Variants in HTR4 observed in about 807,000 individuals in gnomAD.
The protein encoded by HTR4 is 5-hydroxytryptamine receptor 4.
HTR4 carries 16 observed loss-of-function variants against 36.8 expected under a neutral mutation model. The ratio of observed to expected loss-of-function variants is 0.43; its 90% CI spans 0.29 to 0.66. The LOEUF is 0.66. HTR4 is among the 30% of genes least tolerant of loss of function. HTR4 has a pLI of 0.13. For missense variants in HTR4, 438 were observed against 490.9 expected, an observed-to-expected ratio of 0.89 and a Z score of 1.02; for synonymous variants, 189 against 185.1, an observed-to-expected ratio of 1.02 and a Z score of -0.17.
chr5:148,516,710 T>C (rs545886453), intron 5 of HTR4, among the ~76,000 whole-genome samples: 8 of 152,172 alleles, frequency 5.3e-5, no homozygotes, highest in Non-Finnish European at 8.8e-5. Context: ...CTTTCTGTGT[T>C]CATGGTTTTT....
intron 1 of HTR4, among the ~76,000 whole-genome samples, chr5:148,639,471 CATGTAG>C (rs1413870005): frequency 6.6e-6 from 1 of 151,896 alleles, no homozygotes; most frequent in Non-Finnish European, 1.5e-5. Flanking sequence ...GGAATGTGAC[CATGTAG>C]ATTACTCTCT....
At chr5:148,477,203 T>A (rs1259732799), downstream of HTR4, among the ~76,000 whole-genome samples, 5 of 152,142 alleles carry the variant, frequency 3.3e-5, no homozygotes, top group Non-Finnish European at 7.4e-5. Flanking sequence ...CATGAGAAAG[T>A]CTACTGATTA....
intron 1 of HTR4, among the ~76,000 whole-genome samples, chr5:148,648,939 C>A (rs1753952176): frequency 6.6e-6 from 1 of 151,792 alleles, no homozygotes; most frequent in Admixed American, 6.6e-5. Context: ...ACTATAAAAG[C>A]ACTATTGTTT....
chr5:148,577,300 T>C (rs1181612488), intron 2 of HTR4, among the ~76,000 whole-genome samples: 1 of 151,988 alleles, frequency 6.6e-6, no homozygotes, highest in South Asian at 2.1e-4. Flanking sequence ...TGGCTATTAG[T>C]AAAAAATCAA....
intron 2 of HTR4, among the ~76,000 whole-genome samples, chr5:148,622,019 C>A (rs1347697403): frequency 2.0e-5 from 3 of 152,146 alleles, no homozygotes; most frequent in African/African-American, 7.2e-5. Flanking sequence ...AATTTGCATT[C>A]CAGCTTTGAC....
intron 2 of HTR4, among the ~76,000 whole-genome samples, chr5:148,570,655 G>A (rs144594681): frequency 1.4e-3 from 206 of 152,064 alleles, no homozygotes; most frequent in South Asian, 3.1e-3. Context: ...GGCCAGCAAG[G>A]GTCACACATC....
intron 2 of HTR4, among the ~76,000 whole-genome samples, chr5:148,611,931 A>C (rs1326713616): frequency 6.6e-5 from 10 of 152,252 alleles, no homozygotes; most frequent in African/African-American, 2.4e-4. Context: ...GAGACAAAGA[A>C]GGCCATTACA....
chr5:148,479,064 C>G (rs190752600), downstream of HTR4, among the ~76,000 whole-genome samples: 8 of 152,128 alleles, frequency 5.3e-5, no homozygotes, highest in Non-Finnish European at 1.0e-4. Flanking sequence ...TCCAAGACCT[C>G]CAGATATACA....
intron 2 of HTR4, among the ~76,000 whole-genome samples, chr5:148,631,477 C>T (rs1160998512): frequency 6.6e-6 from 1 of 152,120 alleles, no homozygotes; most frequent in East Asian, 1.9e-4. Flanking sequence ...CAAATCAATT[C>T]CACATCGATA....
intron 5 of HTR4, among the ~76,000 whole-genome samples, chr5:148,452,820 T>A (rs1034280315): frequency 6.6e-6 from 1 of 152,024 alleles, no homozygotes; most frequent in Non-Finnish European, 1.5e-5. Flanking sequence ...GGAAAAGAGA[T>A]AGAAAGGGCC....
At chr5:148,646,741 C>A (rs1167285982) in intron 1 of HTR4, among the ~76,000 whole-genome samples, 1 of 152,118 alleles carries the variant, frequency 6.6e-6, no homozygotes, top group Admixed American at 6.5e-5. Context: ...AGAACCTAAC[C>A]CTTCACGTGC....
intron 2 of HTR4, among the ~76,000 whole-genome samples, chr5:148,576,110 CAAAAAAAAA>C (rs781780161): frequency 1.2e-4 from 4 of 32,712 alleles, no homozygotes; most frequent in East Asian, 1.3e-3. Flanking sequence ...GACTCCGTCT[CAAAAAAAAA>C]AAAAAAAAAA....
At position 148,640,004 on chromosome 5, in the gene HTR4, C is replaced by A. The variant is rs143829927; in HGVS notation, c.-47-2943G>T. On this transcript the variant is annotated intron_variant, in intron 1 of 6. Coordinates refer to ENST00000377888, the MANE Select transcript of HTR4 (RefSeq NM_000870.7). Reference sequence around the variant, plus strand: ...CTCCTCCTCCAACCTTTGAGTCCAACCTCCGAGTCCAACCTCCATCCTATA... The same window carrying A: ...CTCCTCCTCCAACCTTTGAGTCCAAACTCCGAGTCCAACCTCCATCCTATA... Among the ~76,000 whole-genome samples the A allele has an allele frequency of 4.9e-3, 749 of 152,220 alleles. 9 individuals carry two copies. Among genetic ancestry groups the A allele is most frequent in the African/African-American group, 0.017 (721 of 41,538 alleles).
chr5:148,584,068 G>A (rs1761255212), intron 2 of HTR4, among the ~76,000 whole-genome samples: 1 of 152,066 alleles, frequency 6.6e-6, no homozygotes, highest in African/African-American at 2.4e-5. Flanking sequence ...ACTTTTAGTG[G>A]AGAAAGGTAA....
intron 2 of HTR4, among the ~76,000 whole-genome samples, chr5:148,568,615 A>G (rs572482061): frequency 3.9e-5 from 6 of 152,134 alleles, no homozygotes; most frequent in Non-Finnish European, 7.4e-5. Context: ...TTCAAACAAT[A>G]AGATACAATT....
chr5:148,653,739 C>T (rs543457448), intron 1 of HTR4, among the ~76,000 whole-genome samples: 7 of 152,294 alleles, frequency 4.6e-5, no homozygotes, highest in East Asian at 3.9e-4. Context: ...CTTACACACA[C>T]GCACACACAC....
intron 6 of HTR4, among the ~76,000 whole-genome samples, chr5:148,486,275 T>C (rs80282727): frequency 1.3e-5 from 2 of 152,192 alleles, no homozygotes; most frequent in Non-Finnish European, 2.9e-5. Context: ...CCTTCATGCA[T>C]GATAAAAAAA....
chr5:148,488,380 G>T (rs760627584), intron 6 of HTR4, among the ~76,000 whole-genome samples: 5 of 152,124 alleles, frequency 3.3e-5, no homozygotes, highest in Non-Finnish European at 5.9e-5. Flanking sequence ...CAGGCGTCAG[G>T]CTCAAAGCCT....
chr5:148,543,383 G>C (rs931271003), intron 4 of HTR4, among the ~76,000 whole-genome samples: 4 of 152,184 alleles, frequency 2.6e-5, no homozygotes, highest in Non-Finnish European at 1.5e-5. Flanking sequence ...CTTGTAGAGA[G>C]CCATGTCTGA....
Sources: allele counts gnomAD v4.1 joint callset (sites outside exome capture counted in the v4.1 genomes callset), GRCh38; gene constraint gnomAD v4.1.1; transcripts MANE v1.5; gene names NCBI Gene and HGNC (gene_info 2026-07-23, HGNC 2026-07-21).